SGCZ: variants seen among roughly 807,000 people sequenced by gnomAD.
The protein encoded by SGCZ is sarcoglycan zeta.
Under a neutral mutation model 41.3 loss-of-function variants are expected in SGCZ, and 40 were observed. That is an observed-to-expected ratio of 0.97 (90% CI 0.75 to 1.26). SGCZ has a LOEUF of 1.26. Ranked by LOEUF, SGCZ falls within the 50% of genes most tolerant of loss-of-function variation. SGCZ has a pLI of 0.00. For synonymous variants in SGCZ, 206 were observed against 137.5 expected (o/e 1.50, Z -3.49); for missense variants, 552 against 369.8 (o/e 1.49, Z -4.04).
At chr8:14,711,596 T>G (rs966030196) in intron 1 of SGCZ, among the ~76,000 whole-genome samples, 15 of 71,540 alleles carry the variant, frequency 2.1e-4, no homozygotes, top group Non-Finnish European at 3.8e-4. Flanking sequence ...AGTGAGACTC[T>G]GTAAAAAAAA....
intron 2 of SGCZ, among the ~76,000 whole-genome samples, chr8:14,342,458 G>C (rs908563181): frequency 1.3e-5 from 2 of 152,094 alleles, no homozygotes; most frequent in Non-Finnish European, 2.9e-5. Flanking sequence ...TGGGACTACA[G>C]GTGCCCGCCA....
intron 4 of SGCZ, among the ~76,000 whole-genome samples, chr8:14,229,921 A>T (rs1226563141): frequency 6.6e-6 from 1 of 152,150 alleles, no homozygotes; most frequent in African/African-American, 2.4e-5. Flanking sequence ...ATTGGACTTA[A>T]ACTGTTTTGT....
At chr8:14,220,661 C>T (rs2117119947) in intron 4 of SGCZ, among the ~76,000 whole-genome samples, 1 of 152,154 alleles carries the variant, frequency 6.6e-6, no homozygotes, top group East Asian at 1.9e-4. Flanking sequence ...GTGGTGCCTG[C>T]CTGTAGTCCC....
chr8:14,608,360 G>A (rs1009936330), intron 1 of SGCZ, among the ~76,000 whole-genome samples: 5 of 151,448 alleles, frequency 3.3e-5, no homozygotes, highest in African/African-American at 1.2e-4. Context: ...TTGGCTCACC[G>A]TTCTGCAGGC....
chr8:14,555,082 A>C (rs528702043), intron 1 of SGCZ, among the ~76,000 whole-genome samples, 156 bp from the exon 2 acceptor site: 1 of 152,226 alleles, frequency 6.6e-6, no homozygotes, highest in South Asian at 2.1e-4. Flanking sequence ...AAAATGTTAT[A>C]GAAAACTTCG....
chr8:14,674,196 C>A (rs1215600268), intron 1 of SGCZ, among the ~76,000 whole-genome samples: 1 of 151,740 alleles, frequency 6.6e-6, no homozygotes, highest in Non-Finnish European at 1.5e-5. Flanking sequence ...AGTAAGAATC[C>A]CTTTTTCTTG....
intron 1 of SGCZ, among the ~76,000 whole-genome samples, chr8:14,598,826 C>A (rs1805497513): frequency 6.6e-6 from 1 of 151,910 alleles, no homozygotes; most frequent in Non-Finnish European, 1.5e-5. Context: ...AGTGTACCAG[C>A]CAAAAAGATA....
At chr8:14,191,744 T>C (rs762576758) in intron 4 of SGCZ, among the ~76,000 whole-genome samples, 6 of 152,132 alleles carry the variant, frequency 3.9e-5, no homozygotes, top group African/African-American at 7.2e-5. Context: ...ATGTGAAACA[T>C]CATACAAATG....
chr8:14,861,319 G>A (rs1413049780), intron 1 of SGCZ, among the ~76,000 whole-genome samples: 1 of 152,130 alleles, frequency 6.6e-6, no homozygotes, highest in Admixed American at 6.6e-5. Context: ...GGTCCTTCCT[G>A]AAATTGAAGG....
intron 2 of SGCZ, among the ~76,000 whole-genome samples, chr8:14,456,530 A>G (rs1800749963): frequency 1.3e-5 from 2 of 152,250 alleles, no homozygotes; most frequent in Admixed American, 1.3e-4. Context: ...GAAAACATGC[A>G]TGTATCTGAT....
chr8:14,611,478 T>C (rs1805928073), intron 1 of SGCZ, among the ~76,000 whole-genome samples: 1 of 152,172 alleles, frequency 6.6e-6, no homozygotes, highest in African/African-American at 2.4e-5. Context: ...TCGGTCTCAG[T>C]GCTGAAAGTT....
At chr8:15,108,226 C>A (rs926600995) in intron 1 of SGCZ, among the ~76,000 whole-genome samples, 4 of 151,956 alleles carry the variant, frequency 2.6e-5, no homozygotes, top group African/African-American at 7.3e-5. Context: ...TCATTAAATT[C>A]TCTTGAAATT....
chr8:14,923,054 G>T (rs28626277), intron 1 of SGCZ, among the ~76,000 whole-genome samples: 10,455 of 152,136 alleles, frequency 0.069, 594 homozygotes, highest in African/African-American at 0.15. Flanking sequence ...TTTTTAAAGG[G>T]CAATTACATG....
chr8:14,558,966 G>A (rs1383768709), intron 1 of SGCZ, among the ~76,000 whole-genome samples: 2 of 151,954 alleles, frequency 1.3e-5, no homozygotes, highest in African/African-American at 4.8e-5. Context: ...AACTGGCACA[G>A]AAGGGACATA....
intron 2 of SGCZ, among the ~76,000 whole-genome samples, chr8:14,346,691 G>A (rs1802901700): frequency 6.6e-6 from 1 of 151,706 alleles, no homozygotes; most frequent in Non-Finnish European, 1.5e-5. Flanking sequence ...ACATTATAAG[G>A]GAAGAATAAT....
At chr8:14,934,296 C>A (rs1800015589) in intron 1 of SGCZ, among the ~76,000 whole-genome samples, 1 of 151,792 alleles carries the variant, frequency 6.6e-6, no homozygotes, top group African/African-American at 2.4e-5. Context: ...ACTGGGACTA[C>A]TGTATATAAA....
chr8:14,956,070 T>A (rs1800783129), intron 1 of SGCZ, among the ~76,000 whole-genome samples: 1 of 147,234 alleles, frequency 6.8e-6, no homozygotes, highest in Non-Finnish European at 1.5e-5. Flanking sequence ...AGACGGAGTT[T>A]CATTCCGTCA....
At chr8:15,142,774 GCTA>G (rs1798927633) in intron 1 of SGCZ, among the ~76,000 whole-genome samples, 1 of 148,726 alleles carries the variant, frequency 6.7e-6, no homozygotes, top group Non-Finnish European at 1.5e-5. Flanking sequence ...ACCGCACCCA[GCTA>G]CTTTTTGTAT....
chr8:14,612,769 C>A (rs1805971233), intron 1 of SGCZ, among the ~76,000 whole-genome samples: 1 of 152,134 alleles, frequency 6.6e-6, no homozygotes, highest in South Asian at 2.1e-4. Flanking sequence ...TCATTGCAAC[C>A]TCCACCTCCC....
Sources: gnomAD v4.1 joint callset for allele counts (sites outside exome capture counted in the v4.1 genomes callset) on GRCh38, gnomAD v4.1.1 for gene constraint, MANE v1.5 for transcripts, NCBI Gene and HGNC (gene_info 2026-07-23, HGNC 2026-07-21) for gene names.